DLG2: variants seen among roughly 807,000 people sequenced by gnomAD.
The protein encoded by DLG2 is disks large homolog 2.
A neutral mutation model predicts 132.5 loss-of-function variants in DLG2; 45 were observed. That is an observed-to-expected ratio of 0.34 (90% CI 0.27 to 0.44). The LOEUF (loss-of-function observed/expected upper bound fraction) is 0.44. Among genes scored for constraint, DLG2 ranks in the 20% least tolerant of loss-of-function variants. DLG2 has a pLI of 1.00. For synonymous variants in DLG2, 424 were observed against 419.6 expected, an observed-to-expected ratio of 1.01 and a Z score of -0.13; for missense variants, 1,045 against 1,196.9, an observed-to-expected ratio of 0.87 and a Z score of 1.87.
chr11:84,931,782 A>C (rs942074268), intron 6 of DLG2, among the ~76,000 whole-genome samples: 2 of 152,116 alleles, frequency 1.3e-5, no homozygotes, highest in Non-Finnish European at 2.9e-5. Context: ...AGCATATGCT[A>C]TGTTTTTGAC....
At chr11:84,196,659 T>C (rs147641148) in intron 8 of DLG2, among the ~76,000 whole-genome samples, 4 of 152,314 alleles carry the variant, frequency 2.6e-5, no homozygotes, top group African/African-American at 9.6e-5. Flanking sequence ...CAGTATAATT[T>C]ACCTTAAATT....
chr11:85,221,644 A>G (rs1163623960), intron 4 of DLG2, among the ~76,000 whole-genome samples: 2 of 152,220 alleles, frequency 1.3e-5, no homozygotes, highest in Non-Finnish European at 1.5e-5. Context: ...ACAGTGTTCA[A>G]TGTCAAAGCA....
chr11:84,571,829 G>A (rs1256179336), intron 6 of DLG2, among the ~76,000 whole-genome samples: 1 of 152,040 alleles, frequency 6.6e-6, no homozygotes, highest in Non-Finnish European at 1.5e-5. Context: ...GAAAGACATG[G>A]CAAACCACAG....
intron 7 of DLG2, among the ~76,000 whole-genome samples, chr11:84,479,341 G>C (rs531251935): frequency 1.9e-4 from 29 of 152,118 alleles, no homozygotes; most frequent in African/African-American, 6.7e-4. Flanking sequence ...TCCTCAGATG[G>C]TGACGTGAAG....
chr11:85,193,652 G>A (rs1177769770), intron 4 of DLG2, among the ~76,000 whole-genome samples: 1 of 152,040 alleles, frequency 6.6e-6, no homozygotes, highest in Non-Finnish European at 1.5e-5. Context: ...CTTTTTGTGT[G>A]TTTTAGCCAT....
intron 6 of DLG2, among the ~76,000 whole-genome samples, chr11:84,679,969 C>T (rs1214215031): frequency 2.0e-5 from 3 of 152,098 alleles, no homozygotes; most frequent in East Asian, 1.9e-4. Flanking sequence ...ATTTAGCTCT[C>T]GTACTGAGCC....
At chr11:83,674,848 A>G (rs1055460711) in intron 18 of DLG2, among the ~76,000 whole-genome samples, 2 of 152,198 alleles carry the variant, frequency 1.3e-5, no homozygotes, top group Admixed American at 6.5e-5. Context: ...TATTGCTATT[A>G]TTGTCTGTTC....
intron 3 of DLG2, among the ~76,000 whole-genome samples, chr11:85,475,077 A>C (rs2093100015): frequency 1.3e-5 from 2 of 151,784 alleles, no homozygotes; most frequent in South Asian, 4.1e-4. Context: ...AATAATTAAG[A>C]AAAATGAAAT....
At chr11:83,732,875 C>T (rs2091266359) in intron 18 of DLG2, among the ~76,000 whole-genome samples, 1 of 152,132 alleles carries the variant, frequency 6.6e-6, no homozygotes, top group African/African-American at 2.4e-5. Flanking sequence ...TCATAGCTCA[C>T]CTTCTGAGGA....
intron 18 of DLG2, among the ~76,000 whole-genome samples, chr11:83,688,158 A>C (rs2153612233): frequency 6.6e-6 from 1 of 152,308 alleles, no homozygotes; most frequent in South Asian, 2.1e-4. Context: ...ATTACCACGA[A>C]ATTATTCTGA....
intron 19 of DLG2, among the ~76,000 whole-genome samples, chr11:83,623,799 A>T (rs1192744720): frequency 6.6e-6 from 1 of 152,160 alleles, no homozygotes; most frequent in East Asian, 1.9e-4. Context: ...AACTAACCTA[A>T]CCTACATGAT....
At chr11:83,741,844 T>C (rs558829091) in intron 18 of DLG2, among the ~76,000 whole-genome samples, 12 of 144,916 alleles carry the variant, frequency 8.3e-5, no homozygotes, top group Admixed American at 5.5e-4. Context: ...CTGTCTCTAC[T>C]AAAAAAAAAA....
At chr11:83,511,121 T>C (rs1194649228) in intron 21 of DLG2, among the ~76,000 whole-genome samples, 3 of 107,208 alleles carry the variant, frequency 2.8e-5, no homozygotes, top group African/African-American at 9.6e-5. Flanking sequence ...CACATTCTTT[T>C]CTATCTATGC....
chr11:84,746,778 T>G (rs990980135), intron 6 of DLG2, among the ~76,000 whole-genome samples: 3 of 152,202 alleles, frequency 2.0e-5, no homozygotes, highest in African/African-American at 7.2e-5. Flanking sequence ...AAGGTCATTA[T>G]TCTAAAGAGT....
At chr11:83,842,280 T>G (rs1229868262) in intron 16 of DLG2, among the ~76,000 whole-genome samples, 1 of 151,918 alleles carries the variant, frequency 6.6e-6, no homozygotes, top group Admixed American at 6.6e-5. Flanking sequence ...GGCAGATGGT[T>G]TAAGAGTGTT....
At chr11:83,699,210 A>T (rs563333370) in intron 18 of DLG2, among the ~76,000 whole-genome samples, 1 of 152,298 alleles carries the variant, frequency 6.6e-6, no homozygotes, top group African/African-American at 2.4e-5. Context: ...TGTAAAGAAG[A>T]AAACAAAGCA....
chr11:83,470,492 AAG>A lies in DLG2; in HGVS notation c.2447-1121_2447-1120del, dbSNP rs540466085. On this transcript the variant is annotated intron_variant, in intron 24 of 27. Transcript: ENST00000376104. ...ACAAAATGGTTCTATTAATTCAAAA[AAG>A]AGAGAATATGCAAGGTGAAAGGGAA... 4.6e-5 allele frequency among the ~76,000 whole-genome samples: 7 copies of A among 152,322 alleles called. 1 individual carries two copies. In the South Asian group the frequency reaches 1.5e-3, roughly 32 times the overall value.
At chr11:84,390,548 G>A (rs1238093281) in intron 7 of DLG2, among the ~76,000 whole-genome samples, 1 of 152,114 alleles carries the variant, frequency 6.6e-6, no homozygotes, top group Admixed American at 6.6e-5. Context: ...AGTTTCGAAT[G>A]GCAAGGAGAC....
intron 15 of DLG2, among the ~76,000 whole-genome samples, chr11:83,882,695 G>T (rs2154076531): frequency 6.6e-6 from 1 of 152,182 alleles, no homozygotes; most frequent in South Asian, 2.1e-4. Context: ...AGACATGCAG[G>T]CAGTTTTTTA....
Sources: gnomAD v4.1 joint callset for allele counts (sites outside exome capture counted in the v4.1 genomes callset) on GRCh38, gnomAD v4.1.1 for gene constraint, MANE v1.5 for transcripts, NCBI Gene and HGNC (gene_info 2026-07-23, HGNC 2026-07-21) for gene names.